Variants in ABCB5 observed in about 807,000 individuals in gnomAD.
The protein encoded by ABCB5 is ATP binding cassette subfamily B member 5, also known as ATP-binding cassette sub-family B member 5.
Under a neutral mutation model 144.2 loss-of-function variants are expected in ABCB5, and 155 were observed. The observed-to-expected ratio is 1.08, with a 90% CI of 0.94 to 1.23. ABCB5 has a LOEUF of 1.23. Ranked by LOEUF, ABCB5 falls within the 50% of genes most tolerant of loss-of-function variation. The probability of loss-of-function intolerance (pLI) is 0.00; values close to 1 mark genes in which losing one functional copy is unlikely to be tolerated. For synonymous variants in ABCB5, 610 were observed against 528.6 expected (o/e 1.15, Z -2.11); for missense variants, 1,830 against 1,520.8 (o/e 1.20, Z -3.38).
intron 4 of ABCB5, among the ~76,000 whole-genome samples, chr7:20,629,145 CGTGTGTGTGTGTGTGT>C (rs149986314): frequency 3.8e-4 from 51 of 135,162 alleles, no homozygotes; most frequent in African/African-American, 1.1e-3. Context: ...AGAGAGACTG[CGTGTGTGTGTGTGTGT>C]GTGTGTGTGT....
intron 16 of ABCB5, among the ~76,000 whole-genome samples, chr7:20,691,400 G>A (rs1323656355): frequency 6.6e-6 from 1 of 151,514 alleles, no homozygotes; most frequent in Non-Finnish European, 1.5e-5. Flanking sequence ...AAAGCCCAGA[G>A]ATCTGCAGAG....
At chr7:20,616,780 G>T (rs945482405) in intron 1 of ABCB5, among the ~76,000 whole-genome samples, 1 of 152,172 alleles carries the variant, frequency 6.6e-6, no homozygotes, top group East Asian at 1.9e-4. Flanking sequence ...GAAACATTGG[G>T]TAACAGAGAG....
chr7:20,655,843 CA>C (rs34183859), intron 13 of ABCB5, among the ~76,000 whole-genome samples: 29,220 of 152,024 alleles, frequency 0.19, 2,984 homozygotes, highest in African/African-American at 0.26. Flanking sequence ...AAAAGACCAA[CA>C]ATAGCCAAAA....
At chr7:20,662,567 A>G (rs1785036395) in intron 14 of ABCB5, among the ~76,000 whole-genome samples, 1 of 152,138 alleles carries the variant, frequency 6.6e-6, no homozygotes, top group Non-Finnish European at 1.5e-5. Context: ...AAAATCATTT[A>G]TAGCAACACT....
chr7:20,741,148 A>G (rs1296869155), intron 24 of ABCB5, among the ~76,000 whole-genome samples: 1 of 151,904 alleles, frequency 6.6e-6, no homozygotes, highest in African/African-American at 2.4e-5. Context: ...AAAATTGGCA[A>G]ATATTGAAAT....
intron 20 of ABCB5, among the ~76,000 whole-genome samples, chr7:20,713,092 G>C (rs1201158408): frequency 6.7e-6 from 1 of 149,592 alleles, no homozygotes; most frequent in Non-Finnish European, 1.5e-5. Flanking sequence ...TTTACTCTCT[G>C]TCTCTATGAG....
chr7:20,636,597 TAACATGGTGA>T (rs1383165254), intron 5 of ABCB5, among the ~76,000 whole-genome samples: 1 of 151,918 alleles, frequency 6.6e-6, no homozygotes, highest in Middle Eastern at 3.4e-3. Context: ...CCATCCTGGC[TAACATGGTGA>T]AACTCCGTCT....
At chr7:20,644,944 G>C (rs1484608661) in intron 7 of ABCB5, among the ~76,000 whole-genome samples, 1 of 152,206 alleles carries the variant, frequency 6.6e-6, no homozygotes, top group East Asian at 1.9e-4. Context: ...GGAAATCTCA[G>C]TAGAAAGATT....
At position 20,632,103 on chromosome 7, in the gene ABCB5, G is replaced by C; in HGVS notation, c.304G>C (p.Asp102His). 2.6e-6 allele frequency: 4 copies of C among 1,523,154 alleles called. 1 individual carries two copies. The South Asian group carries it at 5.0e-5, about 19-fold the overall frequency. 94.4% of individuals were successfully genotyped at this position (1,523,154 alleles called of 1,614,324 possible). A position where few individuals can be genotyped will look rare whatever the true frequency, so the allele number is the denominator to read the frequency against. Reference sequence around the variant, plus strand: ...TCAGTCTCAAGAGAAGCTGAATGAAGATATGACTCTGTAAGTCCAAATGAA... The same window carrying C: ...TCAGTCTCAAGAGAAGCTGAATGAACATATGACTCTGTAAGTCCAAATGAA... ...CTQSQEKLNEDMTLLTLYYVG... is the reference protein window; with the variant it reads ...CTQSQEKLNEHMTLLTLYYVG... Residue 102 changes from aspartate (D) to histidine (H), a missense_variant, in exon 5 of 28, where the codon GAT (aspartate) becomes CAT (histidine). Physicochemically the swap from Asp to His is moderately conservative, Grantham distance 81. Coordinates refer to ENST00000404938, the MANE Select transcript of ABCB5 (RefSeq NM_001163941.2).
rs765186135 is a variant in ABCB5, at chr7:20,698,527, A to G, written c.2131A>G (p.Ile711Val). 10 of 1,593,956 alleles carry G rather than the reference A, an allele frequency of 6.3e-6. No individual in the cohort carries two copies. Among genetic ancestry groups the G allele is most frequent in the Non-Finnish European group, 3.4e-6 (4 of 1,174,582 alleles). The change falls in exon 17 of 28, where the codon ATC (isoleucine) becomes GTC (valine). Residue 711 changes from isoleucine (I) to valine (V), a missense_variant. Physicochemically the swap from Ile to Val is conservative, Grantham distance 29. Transcript: ENST00000404938. ...TGGAACTGTTCATCCAGTATTTTCC[A>G]TCATCTTTGCAAAAATTATAACCGT... is the stretch of plus-strand genomic sequence containing the variant. ...LNGTVHPVFSIIFAKIITMFG... is the reference protein window; with the variant it reads ...LNGTVHPVFSVIFAKIITMFG...
intron 14 of ABCB5, among the ~76,000 whole-genome samples, chr7:20,664,453 G>T (rs73684697): frequency 0.033 from 5,061 of 152,104 alleles, 250 homozygotes; most frequent in African/African-American, 0.1. Flanking sequence ...TATACTAAAA[G>T]GTCTTCTAAG....
At chr7:20,623,456 A>G (rs1783842781) in intron 2 of ABCB5, 118 bp downstream of exon 2, 2 of 801,284 alleles carry the variant, frequency 2.5e-6, no homozygotes, top group African/African-American at 1.8e-5. Context: ...CACTATTTGC[A>G]TTTTGCTGAA....
rs559524815 is a variant in ABCB5 at position 20,753,677 on chromosome 7, G to C, written c.3576+171G>C. ...TTTACAAAAAGGTCAGTAGGTGGTG[G>C]GGAGGTGGGAGACAGTTGAGACAGA... is the stretch of plus-strand genomic sequence containing the variant. On this transcript the variant is annotated intron_variant, in intron 27 of 27. Coordinates refer to ENST00000404938, the MANE Select transcript of ABCB5 (RefSeq NM_001163941.2). Among the ~76,000 whole-genome samples, 5 of 152,294 alleles carry C rather than the reference G, an allele frequency of 3.3e-5. No homozygotes were observed. The South Asian group carries it at 1.0e-3, about 32-fold the overall frequency.
In ABCB5 at chr7:20,628,740, C is replaced by T. The variant is rs892725099; in HGVS notation, c.161C>T (p.Ala54Val). The T allele has an allele frequency of 6.2e-7, 1 of 1,613,576 alleles. No homozygotes were observed. Among genetic ancestry groups the T allele is most frequent in the Middle Eastern group, 1.7e-4 (1 of 6,058 alleles). Residue 54 changes from alanine to valine, a missense_variant, in exon 4 of 28, where the codon GCA becomes GTA. Transcript: ENST00000404938. ...ACACTCATGATCCTGGGTATACTGGCATCACTGGTCAATGGAGCCTGCCTT... is the reference window on the plus strand; with the variant it reads ...ACACTCATGATCCTGGGTATACTGGTATCACTGGTCAATGGAGCCTGCCTT... ...DITLMILGIL[A>V]SLVNGACLPL... is the part of the protein sequence containing the mutation.
At chr7:20,744,666 C>T (rs1216555858) in intron 25 of ABCB5, among the ~76,000 whole-genome samples, 2 of 151,822 alleles carry the variant, frequency 1.3e-5, no homozygotes, top group Non-Finnish European at 2.9e-5. Flanking sequence ...AATGCTAAAC[C>T]ATGAGTTAAT....
At chr7:20,663,683 T>C (rs1437954936) in intron 14 of ABCB5, among the ~76,000 whole-genome samples, 1 of 150,556 alleles carries the variant, frequency 6.6e-6, no homozygotes, top group Non-Finnish European at 1.5e-5. Flanking sequence ...CGCACAACAG[T>C]GTGATTAAGA....
At chr7:20,698,800 C>G (rs1264839299) in intron 17 of ABCB5, among the ~76,000 whole-genome samples, 1 of 152,204 alleles carries the variant, frequency 6.6e-6, no homozygotes, top group Non-Finnish European at 1.5e-5. Flanking sequence ...CTAATTTTTA[C>G]TCCAGTGCTG....
intron 20 of ABCB5, among the ~76,000 whole-genome samples, chr7:20,710,793 G>C (rs1288612654): frequency 6.7e-6 from 1 of 149,974 alleles, no homozygotes; most frequent in Non-Finnish European, 1.5e-5. Flanking sequence ...AAAATGATTA[G>C]GTTTAAGTCT....
At position 20,755,549 on chromosome 7, in the gene ABCB5, A is replaced by G. The variant is rs866954006; in HGVS notation, c.3699A>G (p.Glu1233=). 1 of 1,614,214 alleles carries G rather than the reference A, an allele frequency of 6.2e-7. No individual in the cohort carries two copies. Among genetic ancestry groups the G allele is most frequent in the Non-Finnish European group, 8.5e-7 (1 of 1,180,026 alleles). The change falls in exon 28 of 28, where the codon GAA becomes GAG. Residue 1233 remains glutamate, a synonymous_variant. Coordinates refer to ENST00000404938, the MANE Select transcript of ABCB5 (RefSeq NM_001163941.2). ...IVVLHNGKIK[E]QGTHQELLRN... ...TTCTGCACAATGGAAAGATAAAGGA[A>G]CAAGGAACTCATCAAGAGCTCCTGA...
Sources: gnomAD v4.1 joint callset for allele counts (sites outside exome capture counted in the v4.1 genomes callset) on GRCh38, gnomAD v4.1.1 for gene constraint, MANE v1.5 for transcripts, NCBI Gene and HGNC (gene_info 2026-07-23, HGNC 2026-07-21) for gene names.